The following ZC3H14 variants were observed in gnomAD, a reference collection of about 807,000 sequenced individuals.
The protein encoded by ZC3H14 is zinc finger CCCH domain-containing protein 14.
A neutral mutation model predicts 92.4 loss-of-function variants in ZC3H14; 31 were observed. The ratio of observed to expected loss-of-function variants is 0.34; its 90% CI spans 0.25 to 0.45. ZC3H14 has a LOEUF of 0.45. ZC3H14 is among the 20% of genes least tolerant of loss of function. ZC3H14 has a pLI of 1.00. For synonymous variants in ZC3H14, 321 were observed against 300.9 expected (o/e 1.07, Z -0.69); for missense variants, 781 against 897.3 (o/e 0.87, Z 1.66).
In ZC3H14 at chr14:88,613,880, C is replaced by T. The variant is rs1370891702; in HGVS notation, c.*2129C>T. On this transcript the variant is annotated 3_prime_UTR_variant, in exon 17 of 17. Transcript: ENST00000251038. ...TATATGGCCTATCATGTTTCTTCACCTTCCCCTCGTTGCTGGCTGATACAG... is the reference window on the plus strand; with the variant it reads ...TATATGGCCTATCATGTTTCTTCACTTTCCCCTCGTTGCTGGCTGATACAG... 6.6e-6 allele frequency: 1 copy of T among 152,178 alleles called. No individual in the cohort carries two copies. Among genetic ancestry groups the T allele is most frequent in the African/African-American group, 2.4e-5 (1 of 41,428 alleles). 9.4% of individuals were successfully genotyped at this position (152,178 alleles called of 1,614,324 possible).
intron 10 of ZC3H14, among the ~76,000 whole-genome samples, chr14:88,599,305 ATC>A (rs2084275676): frequency 6.6e-6 from 1 of 152,144 alleles, no homozygotes; most frequent in Non-Finnish European, 1.5e-5. Context: ...GTTCTTAATC[ATC>A]TGTTTTCCAC....
intron 1 of ZC3H14, 33 bp downstream of exon 1, chr14:88,563,202 A>T (rs762246340): frequency 6.3e-7 from 1 of 1,596,418 alleles, no homozygotes; most frequent in South Asian, 1.1e-5. Flanking sequence ...GTGGGAAGCC[A>T]GGTCTCGGCG....
chr14:88,585,636 C>G (rs556704904), intron 9 of ZC3H14, among the ~76,000 whole-genome samples: 1 of 152,222 alleles, frequency 6.6e-6, no homozygotes, highest in Admixed American at 6.5e-5. Context: ...GTTATCTGCC[C>G]GCTTCAGCCT....
At chr14:88,573,192 A>G (rs899294371) in intron 6 of ZC3H14, among the ~76,000 whole-genome samples, 185 bp downstream of exon 6, 4 of 151,900 alleles carry the variant, frequency 2.6e-5, no homozygotes, top group African/African-American at 4.8e-5. Flanking sequence ...CATCCTGGCT[A>G]ACACGGTGAA....
rs375262590 is a variant in ZC3H14 at position 88,621,013 on chromosome 14, C to A, written c.*9262C>A. On this transcript the variant is annotated 3_prime_UTR_variant, in exon 17 of 17. Coordinates refer to ENST00000251038, the MANE Select transcript of ZC3H14 (RefSeq NM_024824.5). ...TATACCAGTTTCCCCTCAAAATGCT[C>A]AACAGAATTCTGGCAGTTCTTTAAG... 6.1e-6 allele frequency: 9 copies of A among 1,476,478 alleles called. No homozygotes were observed. The highest frequency in any genetic ancestry group is 1.8e-4 in the Middle Eastern group (1 of 5,602). The allele number at this position is 1,476,478 out of a possible 1,614,324, so 91.5% of individuals were successfully genotyped here.
chr14:88,588,943 T>C (rs2082768888), intron 9 of ZC3H14, among the ~76,000 whole-genome samples: 1 of 152,246 alleles, frequency 6.6e-6, no homozygotes, highest in Non-Finnish European at 1.5e-5. Context: ...CATAGTATCT[T>C]ACTTTGTGGA....
chr14:88,586,950 T>C (rs981052061), intron 9 of ZC3H14, among the ~76,000 whole-genome samples: 3 of 152,220 alleles, frequency 2.0e-5, no homozygotes, highest in Non-Finnish European at 4.4e-5. Context: ...TTATACTGTT[T>C]CTTCATTGAC....
chr14:88,624,958 AAGAGG>A lies in ZC3H14; in HGVS notation c.*13209_*13213del. The stretch of plus-strand genomic sequence containing the variant: ...AATGCATAAATATTCTGTGAAAAGA[AAGAGG>A]ACTCACGGCCTTTCCTTTCCCCCAG... On this transcript the variant is annotated 3_prime_UTR_variant, in exon 17 of 17. Transcript: ENST00000251038. 1 of 1,612,230 alleles carries A rather than the reference AAGAGG, an allele frequency of 6.2e-7. No individual in the cohort carries two copies.
At position 88,622,027 on chromosome 14, in the gene ZC3H14, C is replaced by T; in HGVS notation, c.*10276C>T. Reference sequence around the variant, plus strand: ...TCCTTTAACCAGTCCTTCCCTATCCCCCTCCCCCTCCCCCTTGTCCGCCTC... The same window carrying T: ...TCCTTTAACCAGTCCTTCCCTATCCTCCTCCCCCTCCCCCTTGTCCGCCTC... On this transcript the variant is annotated 3_prime_UTR_variant, in exon 17 of 17. Transcript: ENST00000251038. 1 of 330,248 alleles carries T rather than the reference C, an allele frequency of 3.0e-6. No individual in the cohort carries two copies. Among genetic ancestry groups the T allele is most frequent in the Non-Finnish European group, 6.3e-6 (1 of 159,336 alleles). The allele number at this position is 330,248 out of a possible 1,614,324, so 20.5% of individuals were successfully genotyped here.
In ZC3H14 at chr14:88,621,607, G is replaced by C; in HGVS notation, c.*9856G>C. On this transcript the variant is annotated 3_prime_UTR_variant, in exon 17 of 17. Coordinates refer to ENST00000251038, the MANE Select transcript of ZC3H14 (RefSeq NM_024824.5). Reference sequence around the variant, plus strand: ...GATAATCTTAGGATTTCCAAACTGGGGTCAGTGCAGTGGGATATAGGAAAA... The same window carrying C: ...GATAATCTTAGGATTTCCAAACTGGCGTCAGTGCAGTGGGATATAGGAAAA... The C allele has an allele frequency of 2.5e-6, 1 of 406,618 alleles. No homozygotes were observed. The highest frequency in any genetic ancestry group is 3.1e-5 in the South Asian group (1 of 32,292). 25.2% of individuals were successfully genotyped at this position (406,618 alleles called of 1,614,324 possible).
intron 6 of ZC3H14, chr14:88,573,687 C>T (rs1029581458): frequency 6.6e-6 from 1 of 152,182 alleles, no homozygotes; most frequent in African/African-American, 2.4e-5. Flanking sequence ...TTGATCTTGG[C>T]TCACTGCAAC....
intron 2 of ZC3H14, among the ~76,000 whole-genome samples, chr14:88,566,928 A>T (rs1331808731): frequency 1.3e-5 from 2 of 151,636 alleles, no homozygotes; most frequent in Non-Finnish European, 2.9e-5. Context: ...GTAAAAGAAA[A>T]AAAAAAAAAA....
rs1330116025 is a variant in ZC3H14, at chr14:88,615,899, G to T, written c.*4148G>T. On this transcript the variant is annotated 3_prime_UTR_variant, in exon 17 of 17. Transcript: ENST00000251038. ...TTGCAGGGAGTTAATTATGTTTTTA[G>T]ATTTTCATAACAGTTTAATATTTTT... 2.5e-6 allele frequency: 4 copies of T among 1,581,464 alleles called. No individual in the cohort carries two copies. In the African/African-American group the frequency reaches 5.4e-5, roughly 21 times the overall value.
At chr14:88,597,701 A>G (rs1287535922) in intron 10 of ZC3H14, among the ~76,000 whole-genome samples, 3 of 152,156 alleles carry the variant, frequency 2.0e-5, no homozygotes, top group Admixed American at 6.5e-5. Context: ...GTGTTCAGAC[A>G]TTCTCTGCCC....
At chr14:88,586,482 C>T (rs1169533900) in intron 9 of ZC3H14, 2 of 152,296 alleles carry the variant, frequency 1.3e-5, no homozygotes, top group East Asian at 3.9e-4. Context: ...TTGCTCTCCA[C>T]ACCTTATATA....
intron 6 of ZC3H14, among the ~76,000 whole-genome samples, chr14:88,573,948 G>A (rs960924493): frequency 2.2e-4 from 34 of 152,080 alleles, no homozygotes; most frequent in African/African-American, 8.2e-4. Context: ...TTTATCTGCT[G>A]TTTCTCATGC....
chr14:88,567,717 A>C (rs1471684308), intron 2 of ZC3H14: 1 of 366,108 alleles, frequency 2.7e-6, no homozygotes, highest in Non-Finnish European at 5.3e-6. Context: ...GGAATGTTCA[A>C]ATATTTCCCA....
intron 16 of ZC3H14, 131 bp downstream of exon 16, chr14:88,611,071 A>G (rs2086624633): frequency 3.4e-6 from 3 of 886,868 alleles, no homozygotes; most frequent in Non-Finnish European, 3.6e-6. Flanking sequence ...CTGTTTAATT[A>G]TAGAAGGCTC....
chr14:88,626,937 G>A lies in ZC3H14; in HGVS notation c.*15186G>A, dbSNP rs2090013460. ...GAAGAGCTCTTCCTGCCAGGGTCCA[G>A]AACTTCACATGTTTTACTCCCACTG... On this transcript the variant is annotated 3_prime_UTR_variant, in exon 17 of 17. Coordinates refer to ENST00000251038, the MANE Select transcript of ZC3H14 (RefSeq NM_024824.5). 6.2e-7 allele frequency: 1 copy of A among 1,613,852 alleles called. No homozygotes were observed. Among genetic ancestry groups the A allele is most frequent in the South Asian group, 1.1e-5 (1 of 91,084 alleles).
Sources: allele counts gnomAD v4.1 joint callset (sites outside exome capture counted in the v4.1 genomes callset), GRCh38; gene constraint gnomAD v4.1.1; transcripts MANE v1.5; gene names NCBI Gene and HGNC (gene_info 2026-07-23, HGNC 2026-07-21).